Variants in IL1RAPL1 observed in about 807,000 individuals in gnomAD.
The protein encoded by IL1RAPL1 is interleukin 1 receptor accessory protein like 1, also known as interleukin-1 receptor accessory protein-like 1.
In IL1RAPL1, 3 loss-of-function variants were observed where a neutral mutation model predicts 48.4. The ratio of observed to expected loss-of-function variants is 0.06; its 90% CI spans 0.03 to 0.16. The LOEUF (loss-of-function observed/expected upper bound fraction) is 0.16, where lower values mean the gene tolerates loss of function less well. Among genes scored for constraint, IL1RAPL1 ranks in the 10% least tolerant of loss-of-function variants. The pLI is 1.00. For synonymous variants in IL1RAPL1, 185 were observed against 187.7 expected (o/e 0.99, Z 0.12); for missense variants, 349 against 530.6 (o/e 0.66, Z 3.36).
intron 3 of IL1RAPL1, among the ~76,000 whole-genome samples, chrX:29,365,926 A>C (rs1261859576): frequency 9.7e-6 from 1 of 103,036 alleles, no homozygotes. Context: ...CTGTAATCCC[A>C]GCTACTCGGG....
rs764211974 is a variant in IL1RAPL1, at chrX:29,324,615, G to C, written c.362+41398G>C. On this transcript the variant is annotated intron_variant, in intron 3 of 10. Transcript: ENST00000378993. ...GGCCAGTTCTTACACATAAAGGTAG[G>C]GGGTAAGTTATGATGATATTTTTAG... Among the ~76,000 whole-genome samples, 10 of 111,583 alleles carry C rather than the reference G, an allele frequency of 9.0e-5. No homozygotes were observed. In the South Asian group the frequency reaches 3.7e-3, roughly 42 times the overall value.
chrX:28,768,729 G>GTCTCTCTCTC (rs1203182036), intron 1 of IL1RAPL1, among the ~76,000 whole-genome samples: 1 of 50,720 alleles, frequency 2.0e-5, no homozygotes, highest in African/African-American at 7.8e-5. Context: ...CTCTCTCTCT[G>GTCTCTCTCTC]TCTCTCTCTC....
chrX:29,148,360 G>T (rs1929391709), intron 2 of IL1RAPL1, among the ~76,000 whole-genome samples: 1 of 111,433 alleles, frequency 9.0e-6, no homozygotes, highest in African/African-American at 3.3e-5. Flanking sequence ...AGTCACCAAG[G>T]GATTGCACAT....
chrX:29,062,322 A>G lies in IL1RAPL1; in HGVS notation c.83-220616A>G, dbSNP rs1476902611. ...ACCTTGTTTCCAAGTGTTATTGAAAAGTGTCATAATGAAATCAGAATTTAA... is the reference window on the plus strand; with the variant it reads ...ACCTTGTTTCCAAGTGTTATTGAAAGGTGTCATAATGAAATCAGAATTTAA... On this transcript the variant is annotated intron_variant, in intron 2 of 10. Coordinates refer to ENST00000378993, the MANE Select transcript of IL1RAPL1 (RefSeq NM_014271.4). Among the ~76,000 whole-genome samples, 4 of 112,489 alleles carry G rather than the reference A, an allele frequency of 3.6e-5. No homozygotes were observed. The East Asian group carries it at 1.1e-3, about 31-fold the overall frequency.
At chrX:29,848,930 C>G (rs914263054) in intron 6 of IL1RAPL1, among the ~76,000 whole-genome samples, 4 of 110,481 alleles carry the variant, frequency 3.6e-5, no homozygotes, top group African/African-American at 1.3e-4. Flanking sequence ...CCATACCTGG[C>G]AAATTTTTGT....
intron 5 of IL1RAPL1, among the ~76,000 whole-genome samples, chrX:29,551,113 A>G (rs67498220): frequency 0.11 from 11,903 of 111,738 alleles, 1,020 homozygotes; most frequent in African/African-American, 0.29. Flanking sequence ...AATGTCTTCA[A>G]GGCCCATGCA....
intron 2 of IL1RAPL1, among the ~76,000 whole-genome samples, chrX:28,860,441 T>C (rs1921912390): frequency 9.1e-6 from 1 of 109,682 alleles, no homozygotes. Flanking sequence ...ATAATAATTA[T>C]GTATTTATTT....
intron 5 of IL1RAPL1, among the ~76,000 whole-genome samples, chrX:29,559,698 A>G (rs1451555203): frequency 9.1e-6 from 1 of 110,084 alleles, no homozygotes; most frequent in Admixed American, 9.7e-5. Context: ...CATTGTGGTT[A>G]CCATGAGGTT....
At position 29,513,715 on chromosome X, in the gene IL1RAPL1, T is replaced by C. The variant is rs143878897; in HGVS notation, c.703+114407T>C. Among the ~76,000 whole-genome samples, 528 of 112,384 alleles carry C rather than the reference T, an allele frequency of 4.7e-3. 7 individuals carry two copies. The highest frequency in any genetic ancestry group is 0.016 in the African/African-American group (505 of 31,034). On this transcript the variant is annotated intron_variant, in intron 5 of 10. Coordinates refer to ENST00000378993, the MANE Select transcript of IL1RAPL1 (RefSeq NM_014271.4). ...GATTTGGACTTTGAAAGAATTGCTA[T>C]TGCATATGACTAATGTTTCTTAGCA...
intron 5 of IL1RAPL1, among the ~76,000 whole-genome samples, chrX:29,454,530 T>C (rs905236741): frequency 1.8e-5 from 2 of 110,951 alleles, no homozygotes; most frequent in Non-Finnish European, 3.8e-5. Context: ...CATAGCAAAA[T>C]AGGAGTTCAA....
intron 1 of IL1RAPL1, among the ~76,000 whole-genome samples, chrX:28,718,528 T>A (rs1935531859): frequency 1.8e-5 from 2 of 111,493 alleles, no homozygotes; most frequent in South Asian, 7.3e-4. Flanking sequence ...AAATGACACA[T>A]CCATACATGA....
At chrX:28,924,524 G>A (rs1371380040) in intron 2 of IL1RAPL1, among the ~76,000 whole-genome samples, 1 of 111,541 alleles carries the variant, frequency 9.0e-6, no homozygotes, top group African/African-American at 3.3e-5. Flanking sequence ...AGGGAATTGT[G>A]GGTCTCATGA....
chrX:29,279,328 C>T (rs1302913550), intron 2 of IL1RAPL1, among the ~76,000 whole-genome samples: 5 of 110,550 alleles, frequency 4.5e-5, no homozygotes, highest in African/African-American at 9.9e-5. Flanking sequence ...CCCAGCTAGT[C>T]AGGAGGCTGA....
At chrX:29,322,318 G>A (rs750699134) in intron 3 of IL1RAPL1, among the ~76,000 whole-genome samples, 1 of 107,395 alleles carries the variant, frequency 9.3e-6, no homozygotes, top group South Asian at 4.1e-4. Flanking sequence ...CCAGGCTGGA[G>A]TGCAATGGCA....
At chrX:29,173,693 A>G (rs1929951815) in intron 2 of IL1RAPL1, among the ~76,000 whole-genome samples, 3 of 111,757 alleles carry the variant, frequency 2.7e-5, no homozygotes, top group Admixed American at 1.9e-4. Flanking sequence ...AGCATGGCAT[A>G]TGCTACTTCC....
At position 29,955,678 on chromosome X, in the gene IL1RAPL1, G is replaced by A; in HGVS notation, c.1949G>A (p.Cys650Tyr). Residue 650 changes from cysteine to tyrosine, a missense_variant, in exon 11 of 11, where the codon TGT (cysteine) becomes TAT (tyrosine). Coordinates refer to ENST00000378993, the MANE Select transcript of IL1RAPL1 (RefSeq NM_014271.4). Reference protein sequence around the residue: ...LTSIGNQHTYCNIPMTLINGQ... With the variant: ...LTSIGNQHTYYNIPMTLINGQ... ...TCCATAGGCAATCAGCATACCTACTGTAACATCCCTATGACACTCATCAAC... is the reference window on the plus strand; with the variant it reads ...TCCATAGGCAATCAGCATACCTACTATAACATCCCTATGACACTCATCAAC... 8.3e-7 allele frequency: 1 copy of A among 1,211,684 alleles called. No individual in the cohort carries two copies. Among genetic ancestry groups the A allele is most frequent in the Non-Finnish European group, 1.1e-6 (1 of 895,426 alleles).
intron 5 of IL1RAPL1, among the ~76,000 whole-genome samples, chrX:29,620,163 TG>T (rs1185956710): frequency 8.9e-6 from 1 of 111,766 alleles, no homozygotes; most frequent in African/African-American, 3.2e-5. Context: ...AAATTTCTCG[TG>T]GCGTTTTCAG....
In IL1RAPL1 at chrX:29,738,450, CTTTTT is replaced by C. The variant is rs59952038; in HGVS notation, c.778+69960_778+69964del. Among the ~76,000 whole-genome samples, 492 of 86,117 alleles carry C rather than the reference CTTTTT, an allele frequency of 5.7e-3. 2 individuals carry two copies. Among genetic ancestry groups the C allele is most frequent in the Non-Finnish European group, 9.3e-3 (420 of 45,149 alleles). The allele number at this position is 86,117 out of a possible 115,157, so 74.8% of individuals were successfully genotyped here. ...TTCATTTCATTTTTTCTTTTCTTTT[CTTTTT>C]TTTTTTTTTTTTTGATTCAGGGTCT... is the stretch of plus-strand genomic sequence containing the variant. On this transcript the variant is annotated intron_variant, in intron 6 of 10. Transcript: ENST00000378993.
At chrX:29,908,253 G>GTGTT (rs1932684422) in intron 6 of IL1RAPL1, among the ~76,000 whole-genome samples, 2 of 109,842 alleles carry the variant, frequency 1.8e-5, no homozygotes, top group South Asian at 3.9e-4. Context: ...TAGGCAGATA[G>GTGTT]TGTTTCATTT....
Sources: allele counts gnomAD v4.1 joint callset (sites outside exome capture counted in the v4.1 genomes callset), GRCh38; gene constraint gnomAD v4.1.1; transcripts MANE v1.5; gene names NCBI Gene and HGNC (gene_info 2026-07-23, HGNC 2026-07-21).